Variants in SRRM4 observed in about 807,000 individuals in gnomAD.
SRRM4 encodes serine/arginine repetitive matrix protein 4.
Under a neutral mutation model 68.9 loss-of-function variants are expected in SRRM4, and 33 were observed. The ratio of observed to expected loss-of-function variants is 0.48; its 90% CI spans 0.36 to 0.64. SRRM4 has a LOEUF of 0.64. Ranked by LOEUF, SRRM4 falls within the 30% of genes least tolerant of loss-of-function variation. The pLI is 0.00. For missense variants in SRRM4, 817 were observed against 827.1 expected (o/e 0.99, Z 0.15); for synonymous variants, 318 against 318.8 (o/e 1.00, Z 0.03).
chr12:119,137,649 T>A (rs1954339431), intron 8 of SRRM4, among the ~76,000 whole-genome samples: 1 of 143,150 alleles, frequency 7.0e-6, no homozygotes, highest in Non-Finnish European at 1.5e-5. Flanking sequence ...TACTGGAGCT[T>A]CACATTGGAA....
At chr12:119,020,820 T>C (rs970504154) in intron 1 of SRRM4, among the ~76,000 whole-genome samples, 3 of 152,160 alleles carry the variant, frequency 2.0e-5, no homozygotes, top group African/African-American at 4.8e-5. Context: ...AGGATTTTAT[T>C]TGGAACCCAG....
intron 1 of SRRM4, among the ~76,000 whole-genome samples, chr12:119,072,935 A>G (rs1412069491): frequency 6.6e-6 from 1 of 152,168 alleles, no homozygotes; most frequent in Admixed American, 6.5e-5. Context: ...CTCAGATCTG[A>G]ATTTAGATCA....
intron 9 of SRRM4, among the ~76,000 whole-genome samples, 180 bp downstream of exon 9, chr12:119,145,865 G>T (rs1016107595): frequency 5.9e-5 from 9 of 152,250 alleles, no homozygotes; most frequent in Non-Finnish European, 1.3e-4. Context: ...GGTACAGCTG[G>T]ATTCAGGGGT....
chr12:118,996,034 C>A (rs542242226), intron 1 of SRRM4, among the ~76,000 whole-genome samples: 2 of 152,334 alleles, frequency 1.3e-5, no homozygotes, highest in Non-Finnish European at 2.9e-5. Context: ...ATCCATCCAC[C>A]TTTGCATCTA....
intron 2 of SRRM4, among the ~76,000 whole-genome samples, chr12:119,110,414 G>A (rs1954135207): frequency 6.6e-6 from 1 of 152,188 alleles, no homozygotes; most frequent in Non-Finnish European, 1.5e-5. Context: ...GCTATGCCCT[G>A]CCCCCAGAGG....
chr12:119,016,777 TC>T (rs1442446393), intron 1 of SRRM4, among the ~76,000 whole-genome samples: 83 of 152,370 alleles, frequency 5.4e-4, no homozygotes, highest in African/African-American at 1.9e-3. Flanking sequence ...TTTTCATTTT[TC>T]CTTTACAATA....
intron 1 of SRRM4, among the ~76,000 whole-genome samples, chr12:119,047,384 A>G (rs1701687423): frequency 6.6e-6 from 1 of 152,002 alleles, no homozygotes; most frequent in Non-Finnish European, 1.5e-5. Flanking sequence ...GCTTGGTTCC[A>G]TAAATAAGTT....
At chr12:119,138,255 T>G (rs1349313401) in intron 8 of SRRM4, among the ~76,000 whole-genome samples, 1 of 152,118 alleles carries the variant, frequency 6.6e-6, no homozygotes, top group African/African-American at 2.4e-5. Flanking sequence ...TTAATTCCAG[T>G]TTACTTCCTG....
At chr12:119,075,953 A>ATGG (rs1202021128) in intron 1 of SRRM4, among the ~76,000 whole-genome samples, 1 of 142,294 alleles carries the variant, frequency 7.0e-6, no homozygotes, top group Non-Finnish European at 1.5e-5. Context: ...GATGGTGGTA[A>ATGG]TGATGATGGT....
intron 1 of SRRM4, among the ~76,000 whole-genome samples, 168 bp from the exon 2 acceptor site, chr12:119,102,068 T>C (rs117314570): frequency 0.017 from 2,517 of 152,240 alleles, 37 homozygotes; most frequent in Middle Eastern, 0.031. Flanking sequence ...GAACTGGAAA[T>C]TACATGTGTT....
At position 119,160,416 on chromosome 12, in the gene SRRM4, C is replaced by T. The variant is rs1373250471; in HGVS notation, c.*3618C>T. On this transcript the variant is annotated 3_prime_UTR_variant, in exon 13 of 13. Transcript: ENST00000267260. ...ACTGGTAACCCTGATTAACCAGAAC[C>T]TCCCATTCCCAGTATCGCTGTTCCT... The T allele has an allele frequency of 1.3e-5, 2 of 152,156 alleles. No homozygotes were observed. The highest frequency in any genetic ancestry group is 2.9e-5 in the Non-Finnish European group (2 of 68,046). 9.4% of individuals were successfully genotyped at this position (152,156 alleles called of 1,614,324 possible).
intron 1 of SRRM4, among the ~76,000 whole-genome samples, chr12:118,991,409 G>GTCAT (rs1161536427): frequency 6.6e-6 from 1 of 152,154 alleles, no homozygotes; most frequent in Admixed American, 6.5e-5. Flanking sequence ...TGCAGACTAA[G>GTCAT]TCATACCCCT....
intron 1 of SRRM4, among the ~76,000 whole-genome samples, chr12:118,995,160 G>C (rs1010119471): frequency 3.1e-4 from 47 of 152,196 alleles, no homozygotes; most frequent in African/African-American, 1.1e-3. Flanking sequence ...ACTGAGAAAA[G>C]TGCTTTATCT....
At chr12:119,096,737 A>G (rs1051218009) in intron 1 of SRRM4, among the ~76,000 whole-genome samples, 4 of 152,146 alleles carry the variant, frequency 2.6e-5, no homozygotes, top group African/African-American at 9.7e-5. Context: ...TGATTCCCCA[A>G]ACAGTGTTTA....
rs555998445 is a variant in SRRM4 at position 118,984,879 on chromosome 12, G to T, written c.131+2866G>T. Among the ~76,000 whole-genome samples the T allele has an allele frequency of 3.9e-5, 6 of 152,262 alleles. No homozygotes were observed. In the Middle Eastern group the frequency reaches 0.017, roughly 435 times the overall value. ...ATGAGACAACCTGGATTCCTGTCCTGGTTCTATCATTTACTAGCTGTGTAT... is the reference window on the plus strand; with the variant it reads ...ATGAGACAACCTGGATTCCTGTCCTTGTTCTATCATTTACTAGCTGTGTAT... On this transcript the variant is annotated intron_variant, in intron 1 of 12. Transcript: ENST00000267260.
chr12:119,120,875 G>A (rs995598068), intron 5 of SRRM4, among the ~76,000 whole-genome samples: 5 of 152,200 alleles, frequency 3.3e-5, no homozygotes, highest in Admixed American at 6.5e-5. Flanking sequence ...TAACGGAGCC[G>A]AAATTCAAAC....
chr12:119,120,101 CTCCCTCCCTTCCTTCACCA>C, intron 4 of SRRM4, 130 bp from the exon 5 acceptor site: 1 of 600,254 alleles, frequency 1.7e-6, no homozygotes, highest in Non-Finnish European at 2.9e-6. Flanking sequence ...ACGTTTTCCC[CTCCCTCCCTTCCTTCACCA>C]TCCCTCCCTT....
At chr12:119,142,293 C>G (rs1954370189) in intron 8 of SRRM4, among the ~76,000 whole-genome samples, 1 of 152,150 alleles carries the variant, frequency 6.6e-6, no homozygotes. Context: ...TTCAATAGTG[C>G]CTTTATCCCT....
chr12:119,102,725 C>T (rs746497365), intron 2 of SRRM4, among the ~76,000 whole-genome samples: 3 of 152,148 alleles, frequency 2.0e-5, no homozygotes, highest in East Asian at 1.9e-4. Context: ...TAAATGATAG[C>T]GTTCCTTTGC....
Sources: allele counts gnomAD v4.1 joint callset (sites outside exome capture counted in the v4.1 genomes callset), GRCh38; gene constraint gnomAD v4.1.1; transcripts MANE v1.5; gene names NCBI Gene and HGNC (gene_info 2026-07-23, HGNC 2026-07-21).